Variants in SCAI observed in about 807,000 individuals in gnomAD.
SCAI encodes the protein suppressor of cancer cell invasion, also known as protein SCAI.
Under a neutral mutation model 92.2 loss-of-function variants are expected in SCAI, and 24 were observed. That is an observed-to-expected ratio of 0.26 (90% confidence interval 0.19 to 0.37). The LOEUF (loss-of-function observed/expected upper bound fraction) is 0.37, where lower values mean the gene tolerates loss of function less well. Among genes scored for constraint, SCAI ranks in the 10% least tolerant of loss-of-function variants. The pLI, the probability that SCAI is intolerant of heterozygous loss-of-function variation, is 1.00. For synonymous variants in SCAI, 261 were observed against 258.6 expected, an observed-to-expected ratio of 1.01 and a Z score of -0.09; for missense variants, 450 against 736.2, an observed-to-expected ratio of 0.61 and a Z score of 4.50.
chr9:125,088,091 T>C (rs1439507585), intron 2 of SCAI, among the ~76,000 whole-genome samples: 1 of 151,952 alleles, frequency 6.6e-6, no homozygotes, highest in Admixed American at 6.6e-5. Context: ...TGGTCTCAAC[T>C]GTTTTGTTTT....
chr9:125,086,458 G>C (rs530170362), intron 2 of SCAI, among the ~76,000 whole-genome samples: 21 of 152,166 alleles, frequency 1.4e-4, no homozygotes, highest in Non-Finnish European at 2.9e-4. Context: ...GTCTCAGAGG[G>C]AATGCTGAAT....
intron 2 of SCAI, among the ~76,000 whole-genome samples, chr9:125,124,025 C>CA (rs1835212232): frequency 6.6e-6 from 1 of 152,144 alleles, no homozygotes; most frequent in Admixed American, 6.5e-5. Context: ...GTTTCCAAAA[C>CA]AGCTGCCAAG....
chr9:125,074,639 T>C (rs139379056), intron 2 of SCAI, among the ~76,000 whole-genome samples: 1 of 152,192 alleles, frequency 6.6e-6, no homozygotes, highest in Non-Finnish European at 1.5e-5. Flanking sequence ...CTTGCAGTTA[T>C]GCTGGTTCCC....
At position 124,976,542 on chromosome 9, in the gene SCAI, G is replaced by A. The variant is rs143679200; in HGVS notation, c.1327-356C>T. On this transcript the variant is annotated intron_variant, in intron 14 of 17. Coordinates refer to ENST00000336505, the MANE Select transcript of SCAI (RefSeq NM_001144877.3). ...TAAAGGTGAACTTTCCAAGATCCAG[G>A]ATCTGGCTTTCAGCTCCAAAACCTG... Among the ~76,000 whole-genome samples the A allele has an allele frequency of 9.3e-3, 1,420 of 152,270 alleles. 12 individuals are homozygous for A. The highest frequency in any genetic ancestry group is 0.019 in the Admixed American group (297 of 15,300).
At chr9:125,019,273 A>G in intron 7 of SCAI, 68 bp from the exon 8 acceptor site, 1 of 850,146 alleles carries the variant, frequency 1.2e-6, no homozygotes, top group Non-Finnish European at 1.9e-6. Context: ...ATATAGAACC[A>G]TATTCCTGAC....
rs894021846 is a variant in SCAI at position 125,091,340 on chromosome 9, T to G, written c.99-35333A>C. ...TGACAACTTTCCAATAAATTCATTTTCTGCTTAAGTTGGCTGGAATTAAGG... is the reference window on the plus strand; with the variant it reads ...TGACAACTTTCCAATAAATTCATTTGCTGCTTAAGTTGGCTGGAATTAAGG... On this transcript the variant is annotated intron_variant, in intron 2 of 17. Coordinates refer to ENST00000336505, the MANE Select transcript of SCAI (RefSeq NM_001144877.3). This position sits in a 1 kb window ranked among gnomAD's most constrained non-coding sequence, Gnocchi z 4.3. Among the ~76,000 whole-genome samples, 5 of 152,232 alleles carry G rather than the reference T, an allele frequency of 3.3e-5. No homozygotes were observed. Among genetic ancestry groups the G allele is most frequent in the Non-Finnish European group, 7.3e-5 (5 of 68,034 alleles).
chr9:125,118,512 C>CAATAAATA (rs57372605), intron 2 of SCAI, among the ~76,000 whole-genome samples: 45,935 of 148,574 alleles, frequency 0.31, 7,524 homozygotes, highest in East Asian at 0.48. Flanking sequence ...GACCCTGTCT[C>CAATAAATA]AATAAATAAA....
intron 3 of SCAI, among the ~76,000 whole-genome samples, chr9:125,036,800 T>C (rs1211025612): frequency 6.6e-6 from 1 of 152,186 alleles, no homozygotes; most frequent in East Asian, 1.9e-4. Context: ...TATGCTGTTT[T>C]GAAAAAGAAG....
intron 2 of SCAI, among the ~76,000 whole-genome samples, chr9:125,070,066 AAC>A (rs113946141): frequency 0.023 from 3,565 of 152,322 alleles, 123 homozygotes; most frequent in African/African-American, 0.078. Context: ...AAAATGAACT[AAC>A]AGATATGAAA....
At chr9:125,110,540 G>T (rs1018421984) in intron 2 of SCAI, among the ~76,000 whole-genome samples, 1 of 152,142 alleles carries the variant, frequency 6.6e-6, no homozygotes, top group Non-Finnish European at 1.5e-5. Flanking sequence ...AGTCTGGTGG[G>T]AGGGAATTGG....
At chr9:125,030,712 T>C (rs1042759940) in intron 3 of SCAI, among the ~76,000 whole-genome samples, 1 of 152,142 alleles carries the variant, frequency 6.6e-6, no homozygotes, top group African/African-American at 2.4e-5. Context: ...CTGAGAAAAC[T>C]GAGAAAGCAG....
At chr9:125,011,894 A>T (rs1178405309) in intron 9 of SCAI, among the ~76,000 whole-genome samples, 1 of 152,250 alleles carries the variant, frequency 6.6e-6, no homozygotes. Context: ...CTTAAAGAAA[A>T]GAATTTTCAA....
chr9:125,002,311 G>A (rs564205721), intron 11 of SCAI, among the ~76,000 whole-genome samples: 2 of 152,202 alleles, frequency 1.3e-5, no homozygotes, highest in Admixed American at 1.3e-4. Context: ...AACTTGAATG[G>A]AGAAGTAAAG....
At chr9:125,022,836 T>C (rs893333619) in intron 6 of SCAI, among the ~76,000 whole-genome samples, 1 of 152,236 alleles carries the variant, frequency 6.6e-6, no homozygotes, top group African/African-American at 2.4e-5. Flanking sequence ...GATTTGTTTC[T>C]ATTTTATTAT....
At chr9:125,012,835 G>T (rs1832668639) in intron 9 of SCAI, among the ~76,000 whole-genome samples, 1 of 152,086 alleles carries the variant, frequency 6.6e-6, no homozygotes, top group Non-Finnish European at 1.5e-5. Context: ...CTATCTCTCA[G>T]ACCACAGTGC....
intron 2 of SCAI, among the ~76,000 whole-genome samples, chr9:125,056,691 C>T (rs1048971569): frequency 1.8e-4 from 28 of 152,236 alleles, no homozygotes; most frequent in African/African-American, 5.8e-4. Flanking sequence ...AATGATCCCA[C>T]AAATGGGAAA....
chr9:125,068,518 A>C lies in SCAI; in HGVS notation c.99-12511T>G, dbSNP rs567713507. 6.5e-4 allele frequency among the ~76,000 whole-genome samples: 99 copies of C among 151,372 alleles called. 1 individual carries two copies. Among genetic ancestry groups the C allele is most frequent in the African/African-American group, 1.9e-3 (77 of 41,206 alleles). On this transcript the variant is annotated intron_variant, in intron 2 of 17. Transcript: ENST00000336505. ...GTCTGAAAAACAACAACAACAACAA[A>C]AAAATACAACAAAAAACAAAGAGGC...
intron 3 of SCAI, among the ~76,000 whole-genome samples, chr9:125,040,017 T>C (rs555088271): frequency 9.2e-5 from 14 of 152,284 alleles, no homozygotes; most frequent in Non-Finnish European, 1.0e-4. Flanking sequence ...AACAATGCTC[T>C]CTTGCTTCTC....
chr9:125,093,096 C>T (rs1396622507), intron 2 of SCAI, among the ~76,000 whole-genome samples: 6 of 152,216 alleles, frequency 3.9e-5, no homozygotes, highest in Admixed American at 6.5e-5. Context: ...CACGATGGCT[C>T]ATGCCTATAA....
Sources: gnomAD v4.1 joint callset for allele counts (sites outside exome capture counted in the v4.1 genomes callset) on GRCh38, gnomAD v4.1.1 for gene constraint, Gnocchi (gnomAD v3.1) non-coding constraint, MANE v1.5 for transcripts, NCBI Gene and HGNC (gene_info 2026-07-23, HGNC 2026-07-21) for gene names.